MEGF11: variants seen among roughly 807,000 people sequenced by gnomAD.
MEGF11 encodes the protein multiple epidermal growth factor-like domains protein 11.
A neutral mutation model predicts 146.6 loss-of-function variants in MEGF11; 126 were observed. The ratio of observed to expected loss-of-function variants is 0.86; its 90% confidence interval spans 0.74 to 1.00. The LOEUF (loss-of-function observed/expected upper bound fraction) is 1.00, where lower values mean the gene tolerates loss of function less well. MEGF11 is among the 50% of genes least tolerant of loss of function. MEGF11 has a pLI of 0.00. For missense variants in MEGF11, 1,509 were observed against 1,521.2 expected (o/e 0.99, Z 0.13); for synonymous variants, 532 against 583.4 (o/e 0.91, Z 1.27).
At chr15:66,125,134 G>A (rs987162406) in intron 2 of MEGF11, among the ~76,000 whole-genome samples, 9 of 152,194 alleles carry the variant, frequency 5.9e-5, no homozygotes, top group Admixed American at 3.9e-4. Flanking sequence ...AGAAGGAGGA[G>A]GCCAAAAGCA....
At chr15:66,019,287 G>A (rs1316445781) in intron 5 of MEGF11, among the ~76,000 whole-genome samples, 2 of 152,224 alleles carry the variant, frequency 1.3e-5, no homozygotes, top group African/African-American at 2.4e-5. Context: ...TCCTTCTGCT[G>A]CTGAACGAAG....
intron 20 of MEGF11, 198 bp from the exon 21 acceptor site, chr15:65,912,398 G>A (rs906833683): frequency 1.6e-5 from 6 of 369,494 alleles, no homozygotes; most frequent in Non-Finnish European, 2.9e-5. Context: ...CCCTTACGCT[G>A]GTCCTCCCTG....
intron 1 of MEGF11, among the ~76,000 whole-genome samples, chr15:66,133,078 G>A (rs575079986): frequency 6.6e-6 from 1 of 152,264 alleles, no homozygotes; most frequent in East Asian, 1.9e-4. Context: ...GGACACCAAA[G>A]ACCCATCCCA....
Position 65,898,895 on chromosome 15 carries a change from G to A in MEGF11, c.3095C>T (p.Ser1032Phe), listed in dbSNP as rs2078422463. The change falls in exon 25 of 26, where the codon TCC (serine) becomes TTC (phenylalanine). Residue 1032 changes from serine (S) to phenylalanine (F), a missense_variant. Transcript: ENST00000395614. ...GTAAGGGTTTTCACTGCTATTCAAG[G>A]AACAAGTACTAGAACTGCACACGGA... ...KESVCSSSTC[S>F]LNSSENPYAT... The A allele has an allele frequency of 1.2e-6, 2 of 1,613,928 alleles. No individual in the cohort carries two copies. Among genetic ancestry groups the A allele is most frequent in the South Asian group, 1.1e-5 (1 of 91,078 alleles).
chr15:65,967,644 C>A (rs185550381), intron 8 of MEGF11, among the ~76,000 whole-genome samples: 317 of 152,156 alleles, frequency 2.1e-3, no homozygotes, highest in African/African-American at 7.4e-3. Flanking sequence ...GTGTGTGGGG[C>A]ACCAGCCTTG....
intron 1 of MEGF11, among the ~76,000 whole-genome samples, chr15:66,231,786 C>T (rs747719682): frequency 3.3e-4 from 51 of 152,294 alleles, no homozygotes; most frequent in Admixed American, 1.2e-3. Context: ...TCAGTAGTGA[C>T]GACTTGGGTC....
At chr15:66,139,739 G>A (rs11635806) in intron 1 of MEGF11, among the ~76,000 whole-genome samples, 152,349 of 152,352 alleles carry the variant, frequency 1, 76,173 homozygotes, top group Non-Finnish European at 1. Context: ...CTGGGGGCAT[G>A]TACGCACTGT....
At chr15:66,100,895 TGTGG>T (rs2086770884) in intron 4 of MEGF11, among the ~76,000 whole-genome samples, 1 of 132,748 alleles carries the variant, frequency 7.5e-6, no homozygotes, top group Non-Finnish European at 1.6e-5. Context: ...TGAGCGAGCG[TGTGG>T]GTGGGTGGGT....
At position 66,094,514 on chromosome 15, in the gene MEGF11, G is replaced by A. The variant is rs541986521; in HGVS notation, c.302-20C>T. 2.5e-5 allele frequency: 39 copies of A among 1,550,586 alleles called. No individual in the cohort carries two copies. Among genetic ancestry groups the A allele is most frequent in the Admixed American group, 5.8e-5 (3 of 51,328 alleles). ...ACAGGGCTGAGGGGACATGGGGAGA[G>A]GGAGGAAGAACCAGAACAAACAGTG... On this transcript the variant is annotated intron_variant, in intron 4 of 25. Coordinates refer to ENST00000395614, the MANE Select transcript of MEGF11 (RefSeq NM_001385028.1).
chr15:65,983,327 G>A (rs775862008), intron 5 of MEGF11, among the ~76,000 whole-genome samples: 1 of 152,152 alleles, frequency 6.6e-6, no homozygotes, highest in Non-Finnish European at 1.5e-5. Flanking sequence ...CACACTCTAC[G>A]GCTATGGAAA....
chr15:66,048,161 C>G lies in MEGF11; in HGVS notation c.394+46241G>C, dbSNP rs333607. Among the ~76,000 whole-genome samples, 749 of 152,198 alleles carry G rather than the reference C, an allele frequency of 4.9e-3. 9 individuals are homozygous for G. The highest frequency in any genetic ancestry group is 0.014 in the African/African-American group (571 of 41,462). On this transcript the variant is annotated intron_variant, in intron 5 of 25. Transcript: ENST00000395614. ...GGGTTTCACCATGTTGGCCAGGCTG[C>G]TCTTGAATTCCTGACCCCAAGTGAT...
chr15:66,160,259 C>CTCTCTT lies in MEGF11; in HGVS notation c.-8-31849_-8-31848insAAGAGA, dbSNP rs959902949. The stretch of plus-strand genomic sequence containing the variant: ...GGAAAAGCCCTCTCTCTCTCTCTCT[C>CTCTCTT]TCTCTCTCTCTCTCTCTCTCACTGC... On this transcript the variant is annotated intron_variant, in intron 1 of 25. Coordinates refer to ENST00000395614, the MANE Select transcript of MEGF11 (RefSeq NM_001385028.1). 1.8e-4 allele frequency among the ~76,000 whole-genome samples: 27 copies of CTCTCTT among 151,796 alleles called. 1 individual carries two copies. The highest frequency in any genetic ancestry group is 1.4e-3 in the Admixed American group (22 of 15,272).
At chr15:65,909,928 C>T in intron 21 of MEGF11, 122 bp from the exon 22 acceptor site, 1 of 854,070 alleles carries the variant, frequency 1.2e-6, no homozygotes. Context: ...GGGTCCTAGG[C>T]CGTTGAGAGA....
intron 5 of MEGF11, among the ~76,000 whole-genome samples, chr15:66,004,781 T>G (rs2082471645): frequency 6.6e-6 from 1 of 152,192 alleles, no homozygotes; most frequent in South Asian, 2.1e-4. Flanking sequence ...TGAGAGGACC[T>G]TTCCAATTCT....
intron 1 of MEGF11, among the ~76,000 whole-genome samples, chr15:66,165,799 C>T (rs555325394): frequency 5.3e-5 from 8 of 152,182 alleles, no homozygotes; most frequent in Non-Finnish European, 1.2e-4. Flanking sequence ...GCAGGGTCTC[C>T]CTCCGTCCCC....
intron 4 of MEGF11, among the ~76,000 whole-genome samples, chr15:66,105,119 A>T (rs1372092380): frequency 6.6e-6 from 1 of 152,012 alleles, no homozygotes; most frequent in Non-Finnish European, 1.5e-5. Context: ...CCATGCAGAG[A>T]TGCAATTAAA....
chr15:66,052,762 T>C (rs1417193146), intron 5 of MEGF11, among the ~76,000 whole-genome samples: 1 of 152,182 alleles, frequency 6.6e-6, no homozygotes, highest in East Asian at 1.9e-4. Context: ...GGCCCTCCCA[T>C]CTTTGAACAA....
intron 5 of MEGF11, among the ~76,000 whole-genome samples, chr15:66,009,732 A>G (rs1261200090): frequency 1.3e-5 from 2 of 151,850 alleles, no homozygotes; most frequent in Non-Finnish European, 1.5e-5. Context: ...AGCTGGGACT[A>G]CAGACACATG....
intron 7 of MEGF11, among the ~76,000 whole-genome samples, chr15:65,973,223 A>G (rs1333265694): frequency 1.3e-5 from 2 of 152,182 alleles, no homozygotes; most frequent in East Asian, 3.8e-4. Context: ...GATAGCAGTG[A>G]AAGGAAGCCC....
Sources: allele counts gnomAD v4.1 joint callset (sites outside exome capture counted in the v4.1 genomes callset), GRCh38; gene constraint gnomAD v4.1.1; transcripts MANE v1.5; gene names NCBI Gene and HGNC (gene_info 2026-07-23, HGNC 2026-07-21).